Variants in ARHGAP31 observed in about 807,000 individuals in gnomAD.
ARHGAP31 encodes the protein rho GTPase-activating protein 31.
Under a neutral mutation model 113.9 loss-of-function variants are expected in ARHGAP31, and 34 were observed. The observed-to-expected ratio is 0.30, with a 90% CI of 0.23 to 0.40. The LOEUF is 0.40. ARHGAP31 is among the 10% of genes least tolerant of loss of function. The pLI is 1.00. For missense variants in ARHGAP31, 1,548 were observed against 1,767.1 expected (o/e 0.88, Z 2.22); for synonymous variants, 650 against 684.8 (o/e 0.95, Z 0.79).
At chr3:119,310,363 A>C (rs1421456150) in intron 1 of ARHGAP31, among the ~76,000 whole-genome samples, 1 of 152,196 alleles carries the variant, frequency 6.6e-6, no homozygotes, top group African/African-American at 2.4e-5. Context: ...ACAGATTCTT[A>C]ACCAAGTGAT....
At chr3:119,366,942 A>G (rs2080256619) in intron 2 of ARHGAP31, among the ~76,000 whole-genome samples, 1 of 152,096 alleles carries the variant, frequency 6.6e-6, no homozygotes. Flanking sequence ...TCTCTACTAA[A>G]AATACAAAAA....
At position 119,414,360 on chromosome 3, in the gene ARHGAP31, A is replaced by C. The variant is rs756470921; in HGVS notation, c.2431A>C (p.Arg811=). 2 of 1,614,204 alleles carry C rather than the reference A, an allele frequency of 1.2e-6. No individual in the cohort carries two copies. Among genetic ancestry groups the C allele is most frequent in the Non-Finnish European group, 1.7e-6 (2 of 1,180,032 alleles). Residue 811 remains arginine, a synonymous_variant, in exon 12 of 12, where the codon AGG becomes CGG. Transcript: ENST00000264245. ...CGGCCCGGAAAGAGAAGACTCATCC[A>C]GGAAATTGAGGACAGATCTCTACAT... is the stretch of plus-strand genomic sequence containing the variant. ...KGGPEREDSS[R]KLRTDLYIDQ... is the part of the protein sequence containing the mutation.
Position 119,393,668 on chromosome 3 carries a change from A to G in ARHGAP31, c.1006+77A>G, listed in dbSNP as rs939720024. 1.1e-5 allele frequency: 17 copies of G among 1,531,778 alleles called. No homozygotes were observed. In the Admixed American group the frequency reaches 1.7e-4, roughly 15 times the overall value. The allele number at this position is 1,531,778 out of a possible 1,614,324, so 94.9% of individuals were successfully genotyped here. On this transcript the variant is annotated intron_variant, in intron 8 of 11. Coordinates refer to ENST00000264245, the MANE Select transcript of ARHGAP31 (RefSeq NM_020754.4). Reference sequence around the variant, plus strand: ...TGCTTATTAAGTCTTTGGTTTGATCATATCAAACACACTAGCTCTGAAAGA... The same window carrying G: ...TGCTTATTAAGTCTTTGGTTTGATCGTATCAAACACACTAGCTCTGAAAGA...
intron 1 of ARHGAP31, among the ~76,000 whole-genome samples, chr3:119,360,997 T>C (rs2080201415): frequency 6.6e-6 from 1 of 152,212 alleles, no homozygotes; most frequent in African/African-American, 2.4e-5. Flanking sequence ...AAATCGACAA[T>C]AGAAGCTTTC....
rs1393006281 is a variant in ARHGAP31, at chr3:119,382,358, C to G, written c.498C>G (p.His166Gln). The change falls in exon 5 of 12, where the codon CAC (histidine) becomes CAG (glutamine). Residue 166 changes from histidine (H) to glutamine (Q), a missense_variant. His to Gln is a conservative substitution (Grantham distance 24). Transcript: ENST00000264245. ...IASFSSKTNM[H>Q]ARNLALVWAP... ...CCTTCAGCAGCAAGACCAACATGCA[C>G]GCCCGGAACCTGGCCCTGGTGTGGG... is the stretch of plus-strand genomic sequence containing the variant. The G allele has an allele frequency of 6.2e-7, 1 of 1,614,184 alleles. No homozygotes were observed. Among genetic ancestry groups the G allele is most frequent in the East Asian group, 2.2e-5 (1 of 44,876 alleles).
intron 3 of ARHGAP31, among the ~76,000 whole-genome samples, chr3:119,378,177 T>C (rs141635023): frequency 6.6e-6 from 1 of 152,280 alleles, no homozygotes; most frequent in African/African-American, 2.4e-5. Flanking sequence ...AGTGAAATTC[T>C]CTCACAGGCA....
At chr3:119,358,117 T>C (rs116269522) in intron 1 of ARHGAP31, among the ~76,000 whole-genome samples, 155 of 152,300 alleles carry the variant, frequency 1.0e-3, no homozygotes, top group African/African-American at 3.7e-3. Flanking sequence ...TTGCCAATCA[T>C]AGGTCTAATA....
chr3:119,387,235 G>A (rs544334083), intron 6 of ARHGAP31, among the ~76,000 whole-genome samples: 2 of 152,336 alleles, frequency 1.3e-5, no homozygotes, highest in Admixed American at 1.3e-4. Flanking sequence ...AGACCAAGGA[G>A]CCCTTCTGCT....
rs1345639430 is a variant in ARHGAP31, at chr3:119,415,113, G to T, written c.3184G>T (p.Val1062Phe). 6.2e-7 allele frequency: 1 copy of T among 1,614,104 alleles called. No individual in the cohort carries two copies. The highest frequency in any genetic ancestry group is 8.5e-7 in the Non-Finnish European group (1 of 1,180,054). Residue 1062 changes from valine to phenylalanine, a missense_variant, in exon 12 of 12, where the codon GTT (valine) becomes TTT (phenylalanine). Coordinates refer to ENST00000264245, the MANE Select transcript of ARHGAP31 (RefSeq NM_020754.4). ...CAGTCCACAGATTAGGCAAGGTGGTGTTCCTGGGCCAGAGAGCAGCAAGGA... is the reference window on the plus strand; with the variant it reads ...CAGTCCACAGATTAGGCAAGGTGGTTTTCCTGGGCCAGAGAGCAGCAAGGA... ...HSSPQIRQGG[V>F]PGPESSKESS...
At chr3:119,402,937 C>G (rs2080625849) in intron 10 of ARHGAP31, among the ~76,000 whole-genome samples, 1 of 152,188 alleles carries the variant, frequency 6.6e-6, no homozygotes, top group South Asian at 2.1e-4. Context: ...TTTCTGATAT[C>G]AAATGCAGGA....
At chr3:119,390,674 G>C (rs1039337398) in intron 6 of ARHGAP31, 111 bp from the exon 7 acceptor site, 1 of 1,200,322 alleles carries the variant, frequency 8.3e-7, no homozygotes, top group African/African-American at 1.5e-5. Flanking sequence ...AGCCAGGGTG[G>C]CACTCAGCCC....
chr3:119,331,314 A>G (rs1559969286), intron 1 of ARHGAP31, among the ~76,000 whole-genome samples: 1 of 152,246 alleles, frequency 6.6e-6, no homozygotes, highest in East Asian at 1.9e-4. Context: ...AAGACGATCA[A>G]AATCGGCCCT....
chr3:119,337,630 A>C (rs528109361), intron 1 of ARHGAP31, among the ~76,000 whole-genome samples: 2 of 152,210 alleles, frequency 1.3e-5, no homozygotes, highest in East Asian at 1.9e-4. Context: ...CAGAGTGCAG[A>C]TTGGTCCGTT....
intron 10 of ARHGAP31, among the ~76,000 whole-genome samples, chr3:119,408,292 A>T (rs2080683855): frequency 6.6e-6 from 1 of 152,230 alleles, no homozygotes; most frequent in Admixed American, 6.5e-5. Context: ...ATAAAACTGA[A>T]TTTCAGGAAA....
At chr3:119,411,459 G>A (rs920069761) in intron 11 of ARHGAP31, among the ~76,000 whole-genome samples, 5 of 152,134 alleles carry the variant, frequency 3.3e-5, no homozygotes, top group Non-Finnish European at 7.4e-5. Flanking sequence ...AGAAGGAAAC[G>A]TCAAAGGCAC....
intron 1 of ARHGAP31, among the ~76,000 whole-genome samples, chr3:119,317,360 AG>A: frequency 6.6e-6 from 1 of 152,024 alleles, no homozygotes; most frequent in East Asian, 1.9e-4. Context: ...TTGTATTTTT[AG>A]TAGAGACGGG....
intron 10 of ARHGAP31, among the ~76,000 whole-genome samples, chr3:119,407,910 T>C (rs1413875563): frequency 2.0e-5 from 3 of 152,144 alleles, no homozygotes; most frequent in Non-Finnish European, 2.9e-5. Flanking sequence ...ATCAAAATTC[T>C]CCAGAATAAA....
In ARHGAP31 at chr3:119,414,054, G is replaced by A. The variant is rs765690593; in HGVS notation, c.2125G>A (p.Ala709Thr). 3.1e-6 allele frequency: 5 copies of A among 1,614,028 alleles called. No homozygotes were observed. The highest frequency in any genetic ancestry group is 1.7e-5 in the Admixed American group (1 of 60,000). The change falls in exon 12 of 12, where the codon GCT (alanine) becomes ACT (threonine). Residue 709 changes from alanine to threonine, a missense_variant. By Grantham distance (58) the Ala-to-Thr change is moderately conservative. Coordinates refer to ENST00000264245, the MANE Select transcript of ARHGAP31 (RefSeq NM_020754.4). Reference sequence around the variant, plus strand: ...GAGCTTGCCTTGTGGCTCCTTCCCTGCTCCAGTCTCCACCCCTCTGGAGGT... The same window carrying A: ...GAGCTTGCCTTGTGGCTCCTTCCCTACTCCAGTCTCCACCCCTCTGGAGGT... ...PGSLPCGSFP[A>T]PVSTPLEVWT...
At chr3:119,377,956 G>A (rs920779428) in intron 3 of ARHGAP31, among the ~76,000 whole-genome samples, 1 of 152,154 alleles carries the variant, frequency 6.6e-6, no homozygotes, top group Non-Finnish European at 1.5e-5. Context: ...CGGGCAGCAG[G>A]ACTTGAGCTC....
Sources: allele counts gnomAD v4.1 joint callset (sites outside exome capture counted in the v4.1 genomes callset), GRCh38; gene constraint gnomAD v4.1.1; transcripts MANE v1.5; gene names NCBI Gene and HGNC (gene_info 2026-07-23, HGNC 2026-07-21).